RTKN2: variants seen among roughly 807,000 people sequenced by gnomAD.
RTKN2 encodes rhotekin-2.
A neutral mutation model predicts 71.5 loss-of-function variants in RTKN2; 69 were observed. The observed-to-expected ratio is 0.96, with a 90% CI of 0.79 to 1.18. The LOEUF (loss-of-function observed/expected upper bound fraction) is 1.18, where lower values mean the gene tolerates loss of function less well. Among genes scored for constraint, RTKN2 ranks in the 50% most tolerant of loss-of-function variants. The pLI is 0.00. For synonymous variants in RTKN2, 236 were observed against 236.5 expected, an observed-to-expected ratio of 1.00 and a Z score of 0.02; for missense variants, 724 against 719.7, an observed-to-expected ratio of 1.01 and a Z score of -0.07.
At chr10:62,258,016 A>G (rs573376001) in intron 2 of RTKN2, among the ~76,000 whole-genome samples, 33 of 152,306 alleles carry the variant, frequency 2.2e-4, no homozygotes, top group African/African-American at 7.7e-4. Flanking sequence ...CCCAAACACA[A>G]CTTAGAAAAA....
At chr10:62,242,791 G>A (rs758509205) in intron 3 of RTKN2, among the ~76,000 whole-genome samples, 8 of 151,536 alleles carry the variant, frequency 5.3e-5, no homozygotes, top group African/African-American at 9.7e-5. Flanking sequence ...CACCACACCC[G>A]GCTAATTTTT....
In RTKN2 at chr10:62,198,335, G is replaced by C; in HGVS notation, c.1403C>G (p.Pro468Arg). ...LIGQHEESLP[P>R]PWATLFDGNH... ...ACCATCAAAGAGTGTGGCCCAAGGAGGTGGTAAGGATTCTTCATGCTGACC... is the reference window on the plus strand; with the variant it reads ...ACCATCAAAGAGTGTGGCCCAAGGACGTGGTAAGGATTCTTCATGCTGACC... Residue 468 changes from proline (P) to arginine (R), a missense_variant, in exon 12 of 12, where the codon CCT becomes CGT. Transcript: ENST00000373789. The C allele has an allele frequency of 6.2e-7, 1 of 1,613,770 alleles. No homozygotes were observed. Among genetic ancestry groups the C allele is most frequent in the Non-Finnish European group, 8.5e-7 (1 of 1,179,836 alleles).
At chr10:62,213,116 G>A (rs145517460) in intron 9 of RTKN2, among the ~76,000 whole-genome samples, 166 of 152,308 alleles carry the variant, frequency 1.1e-3, no homozygotes, top group African/African-American at 3.8e-3. Flanking sequence ...ATATGTAGAA[G>A]GAAAGTAGTA....
intron 10 of RTKN2, among the ~76,000 whole-genome samples, chr10:62,204,243 T>C (rs1841503955): frequency 6.6e-6 from 1 of 152,216 alleles, no homozygotes; most frequent in African/African-American, 2.4e-5. Flanking sequence ...ACGATTTCAG[T>C]ATTTTCCTGT....
chr10:62,258,348 T>C (rs745527415), intron 2 of RTKN2, among the ~76,000 whole-genome samples: 4 of 152,220 alleles, frequency 2.6e-5, no homozygotes, highest in Non-Finnish European at 2.9e-5. Flanking sequence ...TTTCACTGGA[T>C]TGAGAAATAA....
rs1256741862 is a variant in RTKN2 at position 62,198,369 on chromosome 10, A to G, written c.1369T>C (p.Phe457Leu). The change falls in exon 12 of 12, where the codon TTC becomes CTC. Residue 457 changes from phenylalanine (F) to leucine (L), a missense_variant. Physicochemically the swap from Phe to Leu is conservative, Grantham distance 22. Coordinates refer to ENST00000373789, the MANE Select transcript of RTKN2 (RefSeq NM_145307.4). ...QKKIEETNGQ[F>L]LIGQHEESLP... ...GATTCTTCATGCTGACCAATAAGGAACTGCCCATTTGTCTCTTCAATTTTT... is the reference window on the plus strand; with the variant it reads ...GATTCTTCATGCTGACCAATAAGGAGCTGCCCATTTGTCTCTTCAATTTTT... 5.0e-6 allele frequency: 8 copies of G among 1,608,394 alleles called. No homozygotes were observed. The highest frequency in any genetic ancestry group is 5.9e-6 in the Non-Finnish European group (7 of 1,178,394).
In RTKN2 at chr10:62,197,705, G is replaced by C; in HGVS notation, c.*203C>G. On this transcript the variant is annotated 3_prime_UTR_variant, in exon 12 of 12. Transcript: ENST00000373789. ...AGAAACTGCCTCTTGCACACTGCTG[G>C]AGAAATCACTTACATTCTGCAAATC... 1 of 1,395,974 alleles carries C rather than the reference G, an allele frequency of 7.2e-7. No homozygotes were observed. 86.5% of individuals were successfully genotyped at this position (1,395,974 alleles called of 1,614,324 possible). A position where few individuals can be genotyped will look rare whatever the true frequency, so the allele number is the denominator to read the frequency against.
At chr10:62,223,421 C>T in intron 6 of RTKN2, 89 bp from the exon 7 acceptor site, 2 of 778,100 alleles carry the variant, frequency 2.6e-6, no homozygotes. Flanking sequence ...AAATAATAAA[C>T]AACCTGATTT....
chr10:62,204,696 T>C (rs926178418), intron 10 of RTKN2, among the ~76,000 whole-genome samples, 161 bp downstream of exon 10: 8 of 152,100 alleles, frequency 5.3e-5, no homozygotes, highest in East Asian at 1.9e-4. Context: ...TGGAAAGAGA[T>C]TGACAGAAAG....
At position 62,246,067 on chromosome 10, in the gene RTKN2, C is replaced by CA. The variant is rs765301040; in HGVS notation, c.258-11dup. 1.2e-4 allele frequency: 190 copies of CA among 1,553,882 alleles called. 1 individual carries two copies. The African/African-American group carries it at 2.0e-3, about 17-fold the overall frequency. On this transcript the variant is annotated splice_polypyrimidine_tract_variant and intron_variant, in intron 2 of 11. Coordinates refer to ENST00000373789, the MANE Select transcript of RTKN2 (RefSeq NM_145307.4). ...TTCAAATTTCACATCACTGTCAAAA[C>CA]AAAAAAACTTATGGAAAAAAGATCT...
rs773693248 is a variant in RTKN2 at position 62,215,018 on chromosome 10, G to GCTTTGC, written c.1020+2094_1020+2099dup. The GCTTTGC allele has an allele frequency of 4.5e-6, 6 of 1,336,268 alleles. No homozygotes were observed. In the South Asian group the frequency reaches 8.0e-5, roughly 18 times the overall value. 82.8% of individuals were successfully genotyped at this position (1,336,268 alleles called of 1,614,324 possible). A position where few individuals can be genotyped will look rare whatever the true frequency, so the allele number is the denominator to read the frequency against. The stretch of plus-strand genomic sequence containing the variant: ...CCTGTAAAACAGGGCTGTCATCCCT[G>GCTTTGC]CTTTGCCTACCTTAAAGGACTGAGA... On this transcript the variant is annotated intron_variant, in intron 9 of 11. Coordinates refer to ENST00000373789, the MANE Select transcript of RTKN2 (RefSeq NM_145307.4).
rs1841298857 is a variant in RTKN2, at chr10:62,195,214, T to C, written c.*2694A>G. Reference sequence around the variant, plus strand: ...TCATATCATAAAATATCTATTCTGTTTCCCCAATTATATTATCAAGAGCTG... The same window carrying C: ...TCATATCATAAAATATCTATTCTGTCTCCCCAATTATATTATCAAGAGCTG... On this transcript the variant is annotated 3_prime_UTR_variant, in exon 12 of 12. Transcript: ENST00000373789. 1.0e-6 allele frequency: 1 copy of C among 978,984 alleles called. No individual in the cohort carries two copies. The highest frequency in any genetic ancestry group is 1.7e-5 in the African/African-American group (1 of 57,174). The allele number at this position is 978,984 out of a possible 1,614,324, so 60.6% of individuals were successfully genotyped here. A position where few individuals can be genotyped will look rare whatever the true frequency, so the allele number is the denominator to read the frequency against.
chr10:62,237,542 T>G (rs1400833241), intron 5 of RTKN2, among the ~76,000 whole-genome samples: 1 of 151,914 alleles, frequency 6.6e-6, no homozygotes. Flanking sequence ...TTGCCAATAC[T>G]ATTTCTCCTT....
chr10:62,217,980 C>G (rs1029768251), intron 8 of RTKN2, among the ~76,000 whole-genome samples: 1 of 152,082 alleles, frequency 6.6e-6, no homozygotes, highest in African/African-American at 2.4e-5. Flanking sequence ...GGAGAGGTAG[C>G]GCCTTAGCCA....
intron 11 of RTKN2, 86 bp from the exon 12 acceptor site, chr10:62,198,529 T>A: frequency 9.8e-7 from 1 of 1,023,234 alleles, no homozygotes; most frequent in Non-Finnish European, 1.4e-6. Flanking sequence ...CAAACTAGTA[T>A]GCTATATACA....
At chr10:62,268,521 T>C in intron 1 of RTKN2, 30 bp downstream of exon 1, 1 of 1,549,064 alleles carries the variant, frequency 6.5e-7, no homozygotes, top group Non-Finnish European at 8.7e-7. Context: ...CTCCCTCACC[T>C]TCCGCGGCAG....
chr10:62,193,504 TA>T lies in RTKN2; in HGVS notation c.*4403del, dbSNP rs1481288585. The T allele has an allele frequency of 1.0e-6, 1 of 982,424 alleles. No homozygotes were observed. The allele number at this position is 982,424 out of a possible 1,614,324, so 60.9% of individuals were successfully genotyped here. A position where few individuals can be genotyped will look rare whatever the true frequency, so the allele number is the denominator to read the frequency against. ...AGTTTGTTTCTCTAAGCACATTGAT[TA>T]GTAGGCCTCTCTCTGTAAAGTATTT... On this transcript the variant is annotated 3_prime_UTR_variant, in exon 12 of 12. Transcript: ENST00000373789.
intron 7 of RTKN2, among the ~76,000 whole-genome samples, chr10:62,220,038 G>A (rs1216802286): frequency 6.6e-6 from 1 of 152,100 alleles, no homozygotes; most frequent in Non-Finnish European, 1.5e-5. Flanking sequence ...GTGCCCTGTT[G>A]GTAGTGCCTA....
Position 62,204,852 on chromosome 10 carries a change from T to A in RTKN2, c.1186+5A>T. Reference sequence around the variant, plus strand: ...ACAACTAAAAAAATCCAAATATCTATTTACTAAGATCAAAGAAATGCTGCC... The same window carrying A: ...ACAACTAAAAAAATCCAAATATCTAATTACTAAGATCAAAGAAATGCTGCC... On this transcript the variant is annotated splice_donor_5th_base_variant and intron_variant, in intron 10 of 11. Transcript: ENST00000373789. The A allele has an allele frequency of 6.4e-7, 1 of 1,552,602 alleles. No homozygotes were observed. Among genetic ancestry groups the A allele is most frequent in the Non-Finnish European group, 8.7e-7 (1 of 1,155,698 alleles).
Sources: allele counts gnomAD v4.1 joint callset (sites outside exome capture counted in the v4.1 genomes callset), GRCh38; gene constraint gnomAD v4.1.1; transcripts MANE v1.5; gene names NCBI Gene and HGNC (gene_info 2026-07-23, HGNC 2026-07-21).